The following RP1 variants were observed in gnomAD, a reference collection of about 807,000 sequenced individuals.
RP1 encodes oxygen-regulated protein 1.
Under a neutral mutation model 14.8 loss-of-function variants are expected in RP1, and 16 were observed. The ratio of observed to expected loss-of-function variants is 1.08; its 90% CI spans 0.73 to 1.65. The LOEUF (loss-of-function observed/expected upper bound fraction) is 1.65, where lower values mean the gene tolerates loss of function less well. RP1 is among the 40% of genes most tolerant of loss of function. The probability of loss-of-function intolerance (pLI) is 0.00; values close to 1 mark genes in which losing one functional copy is unlikely to be tolerated. For synonymous variants in RP1, 876 were observed against 883.6 expected, an observed-to-expected ratio of 0.99 and a Z score of 0.15; for missense variants, 2,631 against 2,535.0, an observed-to-expected ratio of 1.04 and a Z score of -0.81.
chr8:54,676,897 T>C (rs970863221), intron 8 of RP1, among the ~76,000 whole-genome samples: 1 of 152,132 alleles, frequency 6.6e-6, no homozygotes, highest in Non-Finnish European at 1.5e-5. Flanking sequence ...AAGTAATTCT[T>C]TTTTGGGAGA....
At chr8:54,749,563 A>C (rs1809308485) in intron 19 of RP1, among the ~76,000 whole-genome samples, 1 of 152,102 alleles carries the variant, frequency 6.6e-6, no homozygotes, top group South Asian at 2.1e-4. Context: ...GGCAGGCACT[A>C]AGGACAGTTA....
At chr8:54,862,225 C>A (rs1812357279) in intron 27 of RP1, among the ~76,000 whole-genome samples, 4 of 152,190 alleles carry the variant, frequency 2.6e-5, no homozygotes, top group Admixed American at 2.6e-4. Context: ...ATCTGGGTCT[C>A]TAAGATAAAC....
At chr8:54,604,985 A>T (rs1805392325) in intron 1 of RP1, among the ~76,000 whole-genome samples, 1 of 152,016 alleles carries the variant, frequency 6.6e-6, no homozygotes, top group Non-Finnish European at 1.5e-5. Flanking sequence ...TTTTCAAAAA[A>T]CCAGCTCCTG....
intron 22 of RP1, among the ~76,000 whole-genome samples, chr8:54,766,778 C>G (rs1283870964): frequency 6.6e-6 from 1 of 152,170 alleles, no homozygotes; most frequent in Non-Finnish European, 1.5e-5. Context: ...TTGCCCCTGT[C>G]TTTGTGTTTC....
chr8:54,829,403 A>C (rs1254757357), intron 24 of RP1, among the ~76,000 whole-genome samples: 2 of 152,204 alleles, frequency 1.3e-5, no homozygotes, highest in Non-Finnish European at 2.9e-5. Context: ...AAATTAAAGA[A>C]TTAGATGAAA....
chr8:54,652,190 T>C (rs1305858905), intron 4 of RP1, among the ~76,000 whole-genome samples: 1 of 152,144 alleles, frequency 6.6e-6, no homozygotes, highest in Non-Finnish European at 1.5e-5. Context: ...GTATTTTTTG[T>C]AGAGACAGGG....
At chr8:54,565,199 C>T (rs1455087478) in intron 1 of RP1, among the ~76,000 whole-genome samples, 2 of 152,170 alleles carry the variant, frequency 1.3e-5, no homozygotes, top group African/African-American at 2.4e-5. Context: ...AGTATGCTAC[C>T]TGTGATCTGC....
At chr8:54,580,300 CTTTTTTTTTTTT>C (rs906806636) in intron 1 of RP1, among the ~76,000 whole-genome samples, 4 of 80,200 alleles carry the variant, frequency 5.0e-5, no homozygotes, top group South Asian at 9.6e-4. Context: ...TCGTAGACTT[CTTTTTTTTTTTT>C]TTTTTTTTTT....
intron 14 of RP1, among the ~76,000 whole-genome samples, chr8:54,704,333 G>A (rs1331505090): frequency 2.6e-5 from 4 of 152,068 alleles, no homozygotes; most frequent in African/African-American, 4.8e-5. Flanking sequence ...ATAGAGAGGC[G>A]AGAGAGAGAT....
At chr8:54,593,997 A>T (rs1805091191) in intron 1 of RP1, among the ~76,000 whole-genome samples, 1 of 152,186 alleles carries the variant, frequency 6.6e-6, no homozygotes, top group Admixed American at 6.5e-5. Flanking sequence ...CAGGAAACAC[A>T]TCATTCCTGA....
At chr8:54,753,141 TCA>T (rs1441523945) in intron 19 of RP1, among the ~76,000 whole-genome samples, 2 of 152,182 alleles carry the variant, frequency 1.3e-5, no homozygotes, top group Non-Finnish European at 2.9e-5. Context: ...TAGACTTTGG[TCA>T]CAGTTTTTCT....
intron 1 of RP1, among the ~76,000 whole-genome samples, chr8:54,603,075 C>T (rs1459069807): frequency 2.6e-5 from 4 of 152,138 alleles, no homozygotes; most frequent in Non-Finnish European, 5.9e-5. Context: ...GTTTTTGTTG[C>T]CATTGCTTTT....
intron 3 of RP1, 78 bp from the exon 4 acceptor site, chr8:54,624,592 C>T (rs750122136): frequency 2.0e-4 from 286 of 1,434,726 alleles, no homozygotes; most frequent in Non-Finnish European, 2.7e-4. Flanking sequence ...GCTGCCTCTT[C>T]CTTTGGATAT....
chr8:54,759,409 G>A (rs1434883239), intron 22 of RP1, among the ~76,000 whole-genome samples: 2 of 152,122 alleles, frequency 1.3e-5, no homozygotes, highest in Non-Finnish European at 2.9e-5. Context: ...TAAAATTGTA[G>A]TGTTACAACA....
At chr8:54,670,501 A>G (rs1457570532) in intron 7 of RP1, among the ~76,000 whole-genome samples, 1 of 58,926 alleles carries the variant, frequency 1.7e-5, no homozygotes, top group Non-Finnish European at 4.6e-5. Flanking sequence ...GTATGTATAT[A>G]TATACACATA....
chr8:54,600,976 A>T (rs1166985916), intron 1 of RP1, among the ~76,000 whole-genome samples: 1 of 151,926 alleles, frequency 6.6e-6, no homozygotes, highest in Non-Finnish European at 1.5e-5. Context: ...CTTTCAGTGT[A>T]TTTGCTTTAT....
chr8:54,626,997 C>A lies in RP1; in HGVS notation c.3115C>A (p.His1039Asn). ...TATTAATGATCATAATACTAAAAGT[C>A]ATATAGCTGCTGAAAAATCAGGACC... Reference protein sequence around the residue: ...SAINDHNTKSHIAAEKSGPEK... With the variant: ...SAINDHNTKSNIAAEKSGPEK... Residue 1039 changes from histidine to asparagine, a missense_variant, in exon 4 of 4, where the codon CAT becomes AAT. Physicochemically the swap from His to Asn is moderately conservative, Grantham distance 68. Transcript: ENST00000220676. 6.2e-7 allele frequency: 1 copy of A among 1,613,930 alleles called. No individual in the cohort carries two copies.
chr8:54,610,677 T>A (rs1805569708), intron 1 of RP1, among the ~76,000 whole-genome samples: 2 of 152,164 alleles, frequency 1.3e-5, no homozygotes, highest in Admixed American at 1.3e-4. Flanking sequence ...AAAATCTTAG[T>A]CTTCCTTGAC....
At chr8:54,780,009 T>G (rs928762159) in intron 23 of RP1, among the ~76,000 whole-genome samples, 2 of 44,692 alleles carry the variant, frequency 4.5e-5, no homozygotes, top group Non-Finnish European at 8.0e-5. Context: ...GCTAGGTGAT[T>G]TTTTTGCGTG....
Sources: gnomAD v4.1 joint callset for allele counts (sites outside exome capture counted in the v4.1 genomes callset) on GRCh38, gnomAD v4.1.1 for gene constraint, MANE v1.5 for transcripts, NCBI Gene and HGNC (gene_info 2026-07-23, HGNC 2026-07-21) for gene names.